Variants in SHC3 observed in about 807,000 individuals in gnomAD.
SHC3 encodes the protein SHC-transforming protein 3.
Under a neutral mutation model 60.4 loss-of-function variants are expected in SHC3, and 15 were observed. The observed-to-expected ratio is 0.25, with a 90% CI of 0.17 to 0.38. SHC3 has a LOEUF of 0.38. Among genes scored for constraint, SHC3 ranks in the 10% least tolerant of loss-of-function variants. SHC3 has a pLI of 1.00. For synonymous variants in SHC3, 294 were observed against 325.9 expected, an observed-to-expected ratio of 0.90 and a Z score of 1.05; for missense variants, 677 against 786.1, an observed-to-expected ratio of 0.86 and a Z score of 1.66.
rs575574764 is a variant in SHC3, at chr9:89,054,402, TGAG to T, written c.836-2242_836-2240del. Among the ~76,000 whole-genome samples, 8 of 152,350 alleles carry T rather than the reference TGAG, an allele frequency of 5.3e-5. 1 individual carries two copies. In the East Asian group the frequency reaches 1.5e-3, roughly 29 times the overall value. ...AAACAAGTCACCTGTTGCTTTGGTCTGAGGATTCCTTCTATAAAATGGCCTCTA... is the reference window on the plus strand; with the variant it reads ...AAACAAGTCACCTGTTGCTTTGGTCTGATTCCTTCTATAAAATGGCCTCTA... On this transcript the variant is annotated intron_variant, in intron 6 of 11. Coordinates refer to ENST00000375835, the MANE Select transcript of SHC3 (RefSeq NM_016848.6).
At chr9:89,077,575 T>A (rs1825379096) in intron 3 of SHC3, among the ~76,000 whole-genome samples, 1 of 152,212 alleles carries the variant, frequency 6.6e-6, no homozygotes, top group African/African-American at 2.4e-5. Flanking sequence ...CTGACCCTGT[T>A]TTAAGTGTCT....
At chr9:89,083,737 ACTCTTTCATCTTGGGGACGGCCTCT>A (rs1825482832) in intron 2 of SHC3, among the ~76,000 whole-genome samples, 1 of 151,894 alleles carries the variant, frequency 6.6e-6, no homozygotes, top group Non-Finnish European at 1.5e-5. Flanking sequence ...CAGATGACTC[ACTCTTTCATCTTGGGGACGGCCTCT>A]CTCTTTTTCT....
Position 89,011,963 on chromosome 9 carries a change from T to C in SHC3, c.*1484A>G, listed in dbSNP as rs867625143. Reference sequence around the variant, plus strand: ...GCATTAGAACTTAGCAGTATTATTATCTGCCAGATTTTTCAGTCTCCTCAT... The same window carrying C: ...GCATTAGAACTTAGCAGTATTATTACCTGCCAGATTTTTCAGTCTCCTCAT... On this transcript the variant is annotated 3_prime_UTR_variant, in exon 12 of 12. Coordinates refer to ENST00000375835, the MANE Select transcript of SHC3 (RefSeq NM_016848.6). The C allele has an allele frequency of 2.0e-5, 3 of 152,212 alleles. No homozygotes were observed. The highest frequency in any genetic ancestry group is 7.2e-5 in the African/African-American group (3 of 41,444). 9.4% of individuals were successfully genotyped at this position (152,212 alleles called of 1,614,324 possible).
At chr9:89,081,400 A>C (rs1825441861) in intron 2 of SHC3, among the ~76,000 whole-genome samples, 2 of 152,190 alleles carry the variant, frequency 1.3e-5, no homozygotes, top group South Asian at 4.1e-4. Flanking sequence ...CAAATATTGA[A>C]GCTTTACAGT....
intron 9 of SHC3, among the ~76,000 whole-genome samples, chr9:89,043,360 C>A (rs75327581): frequency 6.6e-6 from 1 of 152,336 alleles, no homozygotes; most frequent in African/African-American, 2.4e-5. Context: ...AGTCAGATTA[C>A]GCATCCTTGC....
chr9:89,102,731 A>G (rs184712145), intron 2 of SHC3, among the ~76,000 whole-genome samples: 24 of 152,344 alleles, frequency 1.6e-4, no homozygotes, highest in African/African-American at 5.3e-4. Flanking sequence ...ATTTCATTAT[A>G]CCATTGGTGA....
At chr9:89,037,815 C>G (rs1369289161) in intron 11 of SHC3, among the ~76,000 whole-genome samples, 178 bp downstream of exon 11, 1 of 152,220 alleles carries the variant, frequency 6.6e-6, no homozygotes, top group Admixed American at 6.5e-5. Flanking sequence ...ACCACTGGCT[C>G]CTGGCTCCTG....
chr9:89,039,084 G>A (rs1403158648), intron 10 of SHC3, among the ~76,000 whole-genome samples: 1 of 152,214 alleles, frequency 6.6e-6, no homozygotes, highest in African/African-American at 2.4e-5. Flanking sequence ...GTGTATGAAA[G>A]GACTCTGAAA....
chr9:89,104,844 T>C (rs1200456576), intron 2 of SHC3, among the ~76,000 whole-genome samples: 1 of 152,002 alleles, frequency 6.6e-6, no homozygotes, highest in Non-Finnish European at 1.5e-5. Context: ...CTATAAATTA[T>C]TCATATTCAA....
chr9:89,167,623 C>A (rs926548708), intron 1 of SHC3, among the ~76,000 whole-genome samples: 1 of 152,214 alleles, frequency 6.6e-6, no homozygotes, highest in African/African-American at 2.4e-5. Flanking sequence ...ATCACCCTGC[C>A]TAGTTCCATT....
At chr9:89,034,795 G>A (rs1824545100) in intron 11 of SHC3, among the ~76,000 whole-genome samples, 1 of 152,176 alleles carries the variant, frequency 6.6e-6, no homozygotes, top group Non-Finnish European at 1.5e-5. Flanking sequence ...AGTTACTGGA[G>A]ACTTATGCCA....
intron 2 of SHC3, among the ~76,000 whole-genome samples, chr9:89,083,663 A>G (rs992789744): frequency 6.6e-6 from 1 of 152,148 alleles, no homozygotes; most frequent in Non-Finnish European, 1.5e-5. Context: ...CGAAAAGAAG[A>G]CCATTTGGAG....
rs150201036 is a variant in SHC3 at position 89,055,358 on chromosome 9, T to C, written c.836-3195A>G. Among the ~76,000 whole-genome samples, 940 of 152,352 alleles carry C rather than the reference T, an allele frequency of 6.2e-3. 8 individuals are homozygous for C. The highest frequency in any genetic ancestry group is 0.021 in the African/African-American group (865 of 41,580). On this transcript the variant is annotated intron_variant, in intron 6 of 11. Coordinates refer to ENST00000375835, the MANE Select transcript of SHC3 (RefSeq NM_016848.6). The stretch of plus-strand genomic sequence containing the variant: ...ATCCAGTAAACTGGTGTGAGGCTTG[T>C]TCATCTAAGCACGCTCTCAACACCC...
At chr9:89,052,910 C>T (rs1238133756) in intron 6 of SHC3, among the ~76,000 whole-genome samples, 1 of 152,192 alleles carries the variant, frequency 6.6e-6, no homozygotes, top group Non-Finnish European at 1.5e-5. Flanking sequence ...ATGCTTGAAG[C>T]AGGCACCAGC....
chr9:89,058,153 A>C (rs1333116654), intron 6 of SHC3, among the ~76,000 whole-genome samples: 1 of 152,136 alleles, frequency 6.6e-6, no homozygotes, highest in Non-Finnish European at 1.5e-5. Context: ...TTATTATAAC[A>C]GCCCTAGGAA....
At chr9:89,123,140 C>T (rs1826116177) in intron 1 of SHC3, among the ~76,000 whole-genome samples, 1 of 152,198 alleles carries the variant, frequency 6.6e-6, no homozygotes, top group Non-Finnish European at 1.5e-5. Flanking sequence ...TGCTCTCCAC[C>T]ATTGCTAACA....
At chr9:89,134,379 GTAT>G (rs1479109488) in intron 1 of SHC3, among the ~76,000 whole-genome samples, 1 of 151,998 alleles carries the variant, frequency 6.6e-6, no homozygotes, top group Non-Finnish European at 1.5e-5. Context: ...GTTAAAGGGG[GTAT>G]TATTCAGTTT....
chr9:89,031,185 C>G (rs1824481058), intron 11 of SHC3, among the ~76,000 whole-genome samples: 1 of 152,178 alleles, frequency 6.6e-6, no homozygotes, highest in East Asian at 1.9e-4. Context: ...CACACCTGAC[C>G]TGTATTTTTC....
intron 1 of SHC3, among the ~76,000 whole-genome samples, chr9:89,140,885 CA>C (rs1826383941): frequency 6.6e-6 from 1 of 151,978 alleles, no homozygotes; most frequent in Admixed American, 6.6e-5. Context: ...AAACTTTTTT[CA>C]GAAAGAACAA....
Sources: gnomAD v4.1 joint callset for allele counts (sites outside exome capture counted in the v4.1 genomes callset) on GRCh38, gnomAD v4.1.1 for gene constraint, MANE v1.5 for transcripts, NCBI Gene and HGNC (gene_info 2026-07-23, HGNC 2026-07-21) for gene names.